The following ARHGAP26 variants were observed in gnomAD, a reference collection of about 807,000 sequenced individuals.
ARHGAP26 encodes the protein rho GTPase-activating protein 26.
Under a neutral mutation model 104.8 loss-of-function variants are expected in ARHGAP26, and 38 were observed. That is an observed-to-expected ratio of 0.36 (90% confidence interval 0.28 to 0.48). The LOEUF (loss-of-function observed/expected upper bound fraction) is 0.48, where lower values mean the gene tolerates loss of function less well. ARHGAP26 is among the 20% of genes least tolerant of loss of function. The pLI is 0.99. For missense variants in ARHGAP26, 704 were observed against 947.9 expected, an observed-to-expected ratio of 0.74 and a Z score of 3.38; for synonymous variants, 341 against 340.0, an observed-to-expected ratio of 1.00 and a Z score of -0.03.
At chr5:142,881,469 T>G (rs1442023367) in intron 4 of ARHGAP26, among the ~76,000 whole-genome samples, 1 of 152,058 alleles carries the variant, frequency 6.6e-6, no homozygotes, top group Non-Finnish European at 1.5e-5. Context: ...ATAAAAGAAT[T>G]TAAGTAGTCA....
At chr5:143,065,502 G>A (rs2150346496) in intron 17 of ARHGAP26, among the ~76,000 whole-genome samples, 1 of 152,284 alleles carries the variant, frequency 6.6e-6, no homozygotes, top group Middle Eastern at 3.4e-3. Flanking sequence ...AGAACATTCT[G>A]TAGCCAAACT....
At chr5:143,045,729 G>A (rs1784125095) in intron 14 of ARHGAP26, among the ~76,000 whole-genome samples, 1 of 152,208 alleles carries the variant, frequency 6.6e-6, no homozygotes, top group South Asian at 2.1e-4. Flanking sequence ...CAGGTGCGGT[G>A]GCTCATGCCT....
intron 19 of ARHGAP26, among the ~76,000 whole-genome samples, chr5:143,134,678 T>A (rs1212188377): frequency 6.6e-6 from 1 of 152,246 alleles, no homozygotes; most frequent in Non-Finnish European, 1.5e-5. Context: ...TCACCACAAT[T>A]ATATCACATC....
intron 10 of ARHGAP26, among the ~76,000 whole-genome samples, chr5:142,916,720 C>G (rs1562075098): frequency 6.6e-6 from 1 of 152,142 alleles, no homozygotes; most frequent in Non-Finnish European, 1.5e-5. Context: ...TTTCTGGTCT[C>G]TGAGACAGAT....
At chr5:142,794,901 ATAAC>A (rs1287737535) in intron 1 of ARHGAP26, among the ~76,000 whole-genome samples, 1 of 152,194 alleles carries the variant, frequency 6.6e-6, no homozygotes, top group African/African-American at 2.4e-5. Flanking sequence ...GAAATAAACT[ATAAC>A]TAATAGAGCT....
chr5:142,968,114 A>T (rs1771693703), intron 11 of ARHGAP26, among the ~76,000 whole-genome samples: 1 of 152,138 alleles, frequency 6.6e-6, no homozygotes. Flanking sequence ...TACCACCACC[A>T]TCATCATCCC....
intron 5 of ARHGAP26, among the ~76,000 whole-genome samples, chr5:142,887,007 A>C (rs1757803223): frequency 6.6e-6 from 1 of 152,356 alleles, no homozygotes; most frequent in African/African-American, 2.4e-5. Flanking sequence ...TTAGATGACT[A>C]TGCATCATTA....
At chr5:143,152,567 A>G (rs1245220059) in intron 20 of ARHGAP26, among the ~76,000 whole-genome samples, 2 of 152,208 alleles carry the variant, frequency 1.3e-5, no homozygotes, top group African/African-American at 4.8e-5. Flanking sequence ...CCCATAGTAG[A>G]TTAAAAATGG....
chr5:142,955,497 C>A (rs1769100191), intron 11 of ARHGAP26, among the ~76,000 whole-genome samples: 1 of 152,054 alleles, frequency 6.6e-6, no homozygotes, highest in African/African-American at 2.4e-5. Context: ...TTATCAGAGA[C>A]CCCTTCAAAA....
chr5:142,963,920 A>G (rs1770828882), intron 11 of ARHGAP26, among the ~76,000 whole-genome samples: 2 of 152,248 alleles, frequency 1.3e-5, no homozygotes, highest in African/African-American at 2.4e-5. Context: ...GAAGTGTTCC[A>G]AGTCATTAAA....
chr5:142,847,443 T>C (rs950052479), intron 1 of ARHGAP26, among the ~76,000 whole-genome samples: 2 of 151,962 alleles, frequency 1.3e-5, no homozygotes, highest in Admixed American at 1.3e-4. Context: ...CAGCAACCTC[T>C]GCCTCCCGGG....
chr5:142,945,251 C>T (rs1186281425), intron 11 of ARHGAP26, among the ~76,000 whole-genome samples: 1 of 152,216 alleles, frequency 6.6e-6, no homozygotes, highest in Non-Finnish European at 1.5e-5. Context: ...CTCTGCCTGG[C>T]TGACGTGTGT....
chr5:142,895,121 G>T (rs148664792), intron 6 of ARHGAP26, among the ~76,000 whole-genome samples: 35 of 152,270 alleles, frequency 2.3e-4, no homozygotes, highest in Admixed American at 1.2e-3. Flanking sequence ...TAAAACTCTC[G>T]CAGACCATGG....
At chr5:143,036,775 A>G (rs1343163441) in intron 12 of ARHGAP26, among the ~76,000 whole-genome samples, 1 of 152,212 alleles carries the variant, frequency 6.6e-6, no homozygotes, top group African/African-American at 2.4e-5. Flanking sequence ...GAGAAAATCT[A>G]TTTTAAGCAC....
At chr5:142,841,754 G>T (rs1770854485) in intron 1 of ARHGAP26, among the ~76,000 whole-genome samples, 1 of 152,254 alleles carries the variant, frequency 6.6e-6, no homozygotes, top group Non-Finnish European at 1.5e-5. Context: ...AAAGTAGATG[G>T]CTGGCGGAAG....
chr5:142,811,379 C>T (rs1481236367), intron 1 of ARHGAP26, among the ~76,000 whole-genome samples: 1 of 152,222 alleles, frequency 6.6e-6, no homozygotes, highest in Non-Finnish European at 1.5e-5. Flanking sequence ...TATTTCCCAT[C>T]TCTTCAGCAA....
chr5:143,089,823 G>GT (rs1230616561), intron 17 of ARHGAP26, among the ~76,000 whole-genome samples: 2 of 152,150 alleles, frequency 1.3e-5, no homozygotes, highest in Non-Finnish European at 2.9e-5. Context: ...CTAAATAGAC[G>GT]TAAGAGTTGA....
chr5:142,988,319 G>A (rs1039857746), intron 11 of ARHGAP26, among the ~76,000 whole-genome samples: 2 of 152,138 alleles, frequency 1.3e-5, no homozygotes, highest in African/African-American at 4.8e-5. Flanking sequence ...TTGTATTTCT[G>A]TGGGATTGGT....
intron 17 of ARHGAP26, among the ~76,000 whole-genome samples, chr5:143,111,854 G>A (rs933981507): frequency 3.3e-5 from 5 of 152,198 alleles, no homozygotes; most frequent in African/African-American, 1.2e-4. Context: ...GTCAGGATGA[G>A]CTGCTGTGGC....
Sources: gnomAD v4.1 joint callset for allele counts (sites outside exome capture counted in the v4.1 genomes callset) on GRCh38, gnomAD v4.1.1 for gene constraint, MANE v1.5 for transcripts, NCBI Gene and HGNC (gene_info 2026-07-23, HGNC 2026-07-21) for gene names.